Variants in FMN1 observed in about 807,000 individuals in gnomAD.
FMN1 encodes formin-1.
Under a neutral mutation model 132.4 loss-of-function variants are expected in FMN1, and 110 were observed. The ratio of observed to expected loss-of-function variants is 0.83; its 90% CI spans 0.71 to 0.97. The LOEUF (loss-of-function observed/expected upper bound fraction) is 0.97, where lower values mean the gene tolerates loss of function less well. Among genes scored for constraint, FMN1 ranks in the 50% least tolerant of loss-of-function variants. The pLI, the probability that FMN1 is intolerant of heterozygous loss-of-function variation, is 0.00. For missense variants in FMN1, 1,792 were observed against 1,705.3 expected, an observed-to-expected ratio of 1.05 and a Z score of -0.90; for synonymous variants, 722 against 651.7, an observed-to-expected ratio of 1.11 and a Z score of -1.64.
Position 33,153,060 on chromosome 15 carries a change from G to T in FMN1, c.1855C>A (p.Gln619Lys). The part of the protein sequence containing the change: ...PGKTTAEPQH[Q>K]SPPGISSEGF... ...AACAGAGACTAACCTGGAGGTGACTGGTGCTGGGGCTCAGCTGTGGTCTTC... is the reference window on the plus strand; with the variant it reads ...AACAGAGACTAACCTGGAGGTGACTTGTGCTGGGGCTCAGCTGTGGTCTTC... The change falls in exon 4 of 21, where the codon CAG (glutamine) becomes AAG (lysine). Residue 619 changes from glutamine (Q) to lysine (K), a missense_variant. Gln to Lys is a moderately conservative substitution (Grantham distance 53). Around this residue, in one of 3 missense-constraint regions of FMN1, gnomAD observed 1,150 missense variants for 1,043.1 expected, o/e 1.10. Transcript: ENST00000616417. 5 of 1,522,630 alleles carry T rather than the reference G, an allele frequency of 3.3e-6. No homozygotes were observed. Among genetic ancestry groups the T allele is most frequent in the Non-Finnish European group, 4.4e-6 (5 of 1,141,442 alleles). The allele number at this position is 1,522,630 out of a possible 1,614,324, so 94.3% of individuals were successfully genotyped here. A position where few individuals can be genotyped will look rare whatever the true frequency, so the allele number is the denominator to read the frequency against.
intron 7 of FMN1, among the ~76,000 whole-genome samples, chr15:33,003,612 T>C (rs71590837): frequency 0.03 from 4,575 of 152,254 alleles, 233 homozygotes; most frequent in African/African-American, 0.1. Flanking sequence ...AAAATGGCCA[T>C]ACTGCCCAAG....
At chr15:32,883,371 G>A (rs1053119072) in intron 16 of FMN1, among the ~76,000 whole-genome samples, 4 of 151,778 alleles carry the variant, frequency 2.6e-5, no homozygotes, top group South Asian at 2.1e-4. Context: ...TTAGCTGGGC[G>A]TGGTGGTATA....
chr15:33,167,722 G>A (rs1478590389), intron 3 of FMN1, among the ~76,000 whole-genome samples: 1 of 152,182 alleles, frequency 6.6e-6, no homozygotes, highest in Non-Finnish European at 1.5e-5. Flanking sequence ...ATATGTATTA[G>A]ATGCTGTATT....
chr15:32,889,997 C>T (rs970360016), intron 15 of FMN1, among the ~76,000 whole-genome samples: 5 of 152,238 alleles, frequency 3.3e-5, no homozygotes, highest in African/African-American at 1.2e-4. Context: ...AGCTTAGCTA[C>T]CACATATCAG....
chr15:32,957,093 C>T (rs971230430), intron 9 of FMN1, among the ~76,000 whole-genome samples: 2 of 152,014 alleles, frequency 1.3e-5, no homozygotes, highest in Non-Finnish European at 2.9e-5. Context: ...TAAGAAATAT[C>T]TATTAAAAAG....
At chr15:33,021,248 T>TA (rs61156872) in intron 6 of FMN1, among the ~76,000 whole-genome samples, 39,782 of 152,144 alleles carry the variant, frequency 0.26, 5,513 homozygotes, top group Non-Finnish European at 0.31. Flanking sequence ...AGTTGACCTT[T>TA]ACACCTATGC....
intron 16 of FMN1, among the ~76,000 whole-genome samples, chr15:32,877,613 G>T (rs368769085): frequency 6.6e-6 from 1 of 152,118 alleles, no homozygotes; most frequent in East Asian, 1.9e-4. Context: ...AAATCATCTA[G>T]CAAACTACTT....
intron 10 of FMN1, among the ~76,000 whole-genome samples, chr15:32,915,920 A>G (rs1392688342): frequency 6.6e-6 from 1 of 152,254 alleles, no homozygotes; most frequent in Non-Finnish European, 1.5e-5. Context: ...TAATTTTATT[A>G]GATTCCTTTA....
intron 17 of FMN1, among the ~76,000 whole-genome samples, chr15:32,842,068 C>T (rs994993536): frequency 6.6e-6 from 1 of 152,222 alleles, no homozygotes; most frequent in African/African-American, 2.4e-5. Flanking sequence ...CGTCTATTCA[C>T]TCCCTTAAAA....
rs1013238013 is a variant in FMN1, at chr15:33,153,220, G to A, written c.1695C>T (p.Cys565=). The A allele has an allele frequency of 3.9e-6, 6 of 1,535,998 alleles. No homozygotes were observed. The highest frequency in any genetic ancestry group is 2.4e-5 in the East Asian group (1 of 40,894). ...PCRKSRVFSG[C]VSADTLEPPS... ...GTGGCTCCAAGGTGTCAGCAGAGACGCACCCAGAGAAGACACGGCTCTTTC... is the reference window on the plus strand; with the variant it reads ...GTGGCTCCAAGGTGTCAGCAGAGACACACCCAGAGAAGACACGGCTCTTTC... Residue 565 remains cysteine (C), a synonymous_variant, in exon 4 of 21, where the codon TGC becomes TGT. Transcript: ENST00000616417.
intron 19 of FMN1, among the ~76,000 whole-genome samples, chr15:32,796,593 G>C (rs754380886): frequency 2.0e-5 from 3 of 152,138 alleles, no homozygotes; most frequent in Non-Finnish European, 4.4e-5. Context: ...TCAAAACAAA[G>C]CAATTATAGT....
chr15:32,814,301 A>T (rs970250015), intron 17 of FMN1, among the ~76,000 whole-genome samples: 1 of 152,248 alleles, frequency 6.6e-6, no homozygotes, highest in African/African-American at 2.4e-5. Context: ...TATAAAATAT[A>T]ATTTTCACTT....
rs1344347989 is a variant in FMN1 at position 33,154,479 on chromosome 15, C to A, written c.436G>T (p.Gly146Cys). The change falls in exon 4 of 21, where the codon GGC (glycine) becomes TGC (cysteine). Residue 146 changes from glycine (G) to cysteine (C), a missense_variant. By Grantham distance (159) the Gly-to-Cys change is radical. Coordinates refer to ENST00000616417, the MANE Select transcript of FMN1 (RefSeq NM_001277313.2). The stretch of plus-strand genomic sequence containing the variant: ...TGGGTGCTCCTCTTATTGAGAGGGC[C>A]CACGGGGAGCTCTCCCTGCCAGTCA... ...AGDWQGELPV[G>C]PLNKRSTHGN... 5 of 1,535,922 alleles carry A rather than the reference C, an allele frequency of 3.3e-6. No individual in the cohort carries two copies. The highest frequency in any genetic ancestry group is 4.4e-6 in the Non-Finnish European group (5 of 1,146,902).
chr15:32,960,015 C>T (rs78756456), intron 9 of FMN1, among the ~76,000 whole-genome samples: 1 of 152,138 alleles, frequency 6.6e-6, no homozygotes, highest in Non-Finnish European at 1.5e-5. Context: ...TTTCCTTTTG[C>T]CATTCAGGTA....
intron 14 of FMN1, 57 bp from the exon 15 acceptor site, chr15:32,898,950 A>G: frequency 2.5e-6 from 3 of 1,196,430 alleles, no homozygotes; most frequent in South Asian, 1.3e-5. Context: ...GTCATGTTAC[A>G]CGGTTGAGAG....
At chr15:32,940,939 C>G (rs1262536566) in intron 9 of FMN1, among the ~76,000 whole-genome samples, 1 of 152,122 alleles carries the variant, frequency 6.6e-6, no homozygotes, top group Non-Finnish European at 1.5e-5. Flanking sequence ...GGATTCCTGA[C>G]TGTATTAGCA....
chr15:33,116,924 A>G (rs754403176), intron 4 of FMN1, among the ~76,000 whole-genome samples: 9 of 138,306 alleles, frequency 6.5e-5, no homozygotes, highest in Non-Finnish European at 1.5e-4. Context: ...CACGTTTTAC[A>G]GCACTCAATA....
chr15:33,134,717 G>T (rs1231635939), intron 4 of FMN1, among the ~76,000 whole-genome samples: 1 of 152,166 alleles, frequency 6.6e-6, no homozygotes, highest in Non-Finnish European at 1.5e-5. Flanking sequence ...TTTAAAAATG[G>T]AAGGCCAGGT....
chr15:33,015,352 G>C (rs909489573), intron 6 of FMN1, among the ~76,000 whole-genome samples: 2 of 152,172 alleles, frequency 1.3e-5, no homozygotes, highest in African/African-American at 4.8e-5. Flanking sequence ...CCAGGGGTCA[G>C]AGTGAATGGT....
Sources: allele counts gnomAD v4.1 joint callset (sites outside exome capture counted in the v4.1 genomes callset), GRCh38; gene constraint gnomAD v4.1.1; regional missense constraint gnomAD v4.1.1; transcripts MANE v1.5; gene names NCBI Gene and HGNC (gene_info 2026-07-23, HGNC 2026-07-21).